SYNM: variants seen among roughly 807,000 people sequenced by gnomAD.
The protein encoded by SYNM is synemin, also known as desmuslin.
A neutral mutation model predicts 104.0 loss-of-function variants in SYNM; 95 were observed. The ratio of observed to expected loss-of-function variants is 0.91; its 90% confidence interval spans 0.77 to 1.08. The LOEUF (loss-of-function observed/expected upper bound fraction) is 1.08, where lower values mean the gene tolerates loss of function less well. Ranked by LOEUF, SYNM falls within the 50% of genes least tolerant of loss-of-function variation. The probability of loss-of-function intolerance (pLI) is 0.00; values close to 1 mark genes in which losing one functional copy is unlikely to be tolerated. For missense variants in SYNM, 2,150 were observed against 2,052.2 expected (o/e 1.05, Z -0.92); for synonymous variants, 918 against 869.0 (o/e 1.06, Z -0.99).
In SYNM at chr15:99,105,975, G is replaced by GCGAGGAGTACGGGATACAGGC; in HGVS notation, c.784_804dup (p.Tyr262_Glu268dup). ...CTGGAGGACGCGCTGCTGCGGATGC[G>GCGAGGAGTACGGGATACAGGC]CGAGGAGTACGGGATACAGGCCGAG... On this transcript the variant is annotated inframe_insertion, in exon 1 of 4. Transcript: ENST00000336292. The GCGAGGAGTACGGGATACAGGC allele has an allele frequency of 6.6e-7, 1 of 1,513,010 alleles. No homozygotes were observed. Among genetic ancestry groups the GCGAGGAGTACGGGATACAGGC allele is most frequent in the Non-Finnish European group, 8.8e-7 (1 of 1,137,364 alleles). 93.7% of individuals were successfully genotyped at this position (1,513,010 alleles called of 1,614,324 possible). A position where few individuals can be genotyped will look rare whatever the true frequency, so the allele number is the denominator to read the frequency against.
At chr15:99,113,996 C>T (rs1172928802) in intron 2 of SYNM, among the ~76,000 whole-genome samples, 1 of 147,088 alleles carries the variant, frequency 6.8e-6, no homozygotes, top group Non-Finnish European at 1.5e-5. Context: ...AAGAGCTTCA[C>T]ACATGTCAAC....
At chr15:99,117,444 G>C (rs576863255) in intron 2 of SYNM, among the ~76,000 whole-genome samples, 49 of 152,328 alleles carry the variant, frequency 3.2e-4, no homozygotes, top group African/African-American at 1.2e-3. Context: ...GGGGTGGTGG[G>C]AGTTACCCCA....
In SYNM at chr15:99,113,787, T is replaced by C. The variant is rs2067321828; in HGVS notation, c.935+72T>C. ...AACTTGCACATGAAGGAAACTGGTC[T>C]AGGGACCGTAGCCTTTGTGGAGTCA... On this transcript the variant is annotated intron_variant, in intron 2 of 3. Transcript: ENST00000336292. 8.9e-6 allele frequency: 14 copies of C among 1,570,658 alleles called. 1 individual carries two copies. Among genetic ancestry groups the C allele is most frequent in the Non-Finnish European group, 1.1e-5 (13 of 1,157,010 alleles).
Position 99,131,297 on chromosome 15 carries a change from G to T in SYNM, c.2937G>T (p.Pro979=), listed in dbSNP as rs5030696. 2 of 1,612,526 alleles carry T rather than the reference G, an allele frequency of 1.2e-6. No individual in the cohort carries two copies. Among genetic ancestry groups the T allele is most frequent in the Non-Finnish European group, 1.7e-6 (2 of 1,179,458 alleles). Residue 979 remains proline (P), a synonymous_variant, in exon 4 of 4, where the codon CCG becomes CCT. Transcript: ENST00000336292. This position sits in a 1 kb window ranked among gnomAD's most constrained non-coding sequence, Gnocchi z 4.3. The stretch of plus-strand genomic sequence containing the variant: ...TCACCAGAGAGGGGCAGGGTGGGCC[G>T]GGGAGCGTTTCCGTGGATGTCAAGA... ...SALTREGQGG[P]GSVSVDVKKV...
Position 99,105,706 on chromosome 15 carries a change from C to A in SYNM, c.507C>A (p.Arg169=), listed in dbSNP as rs2067229803. ...AASLTMHFRA[R]ATGPAAPPPR... ...GCCTTACCATGCATTTCCGCGCCCG[C>A]GCCACCGGCCCCGCCGCGCCGCCGC... Residue 169 remains arginine (R), a synonymous_variant, in exon 1 of 4, where the codon CGC becomes CGA. Coordinates refer to ENST00000336292, the MANE Select transcript of SYNM (RefSeq NM_145728.3). 1.3e-5 allele frequency: 19 copies of A among 1,488,624 alleles called. No individual in the cohort carries two copies. Among genetic ancestry groups the A allele is most frequent in the Non-Finnish European group, 1.7e-5 (19 of 1,124,852 alleles). The allele number at this position is 1,488,624 out of a possible 1,614,324, so 92.2% of individuals were successfully genotyped here.
intron 2 of SYNM, among the ~76,000 whole-genome samples, chr15:99,116,844 T>A (rs1283553083): frequency 7.0e-6 from 1 of 143,332 alleles, no homozygotes; most frequent in Non-Finnish European, 1.5e-5. Context: ...GCCTGGCTAA[T>A]TCTTGTATTT....
rs544259774 is a variant in SYNM at position 99,133,129 on chromosome 15, T to G, written c.*71T>G. 141 of 1,581,482 alleles carry G rather than the reference T, an allele frequency of 8.9e-5. No individual in the cohort carries two copies. Among genetic ancestry groups the G allele is most frequent in the Non-Finnish European group, 1.2e-4 (136 of 1,170,798 alleles). On this transcript the variant is annotated 3_prime_UTR_variant, in exon 4 of 4. Coordinates refer to ENST00000336292, the MANE Select transcript of SYNM (RefSeq NM_145728.3). Reference sequence around the variant, plus strand: ...CAACATCCAAAGGCCTTAACTTATTTTAAGAGGCCGAGGGAGTCTATGAAA... The same window carrying G: ...CAACATCCAAAGGCCTTAACTTATTGTAAGAGGCCGAGGGAGTCTATGAAA...
chr15:99,118,049 T>C (rs7178866), intron 2 of SYNM, among the ~76,000 whole-genome samples: 34,288 of 152,130 alleles, frequency 0.23, 4,048 homozygotes, highest in East Asian at 0.38. Context: ...GGAGCTTGCC[T>C]GACAGGCCCT....
chr15:99,107,474 C>T (rs557182025), intron 1 of SYNM, among the ~76,000 whole-genome samples: 66 of 152,352 alleles, frequency 4.3e-4, no homozygotes, highest in African/African-American at 1.6e-3. Context: ...TCGCTACCAA[C>T]TCAGGGGTCT....
rs1567283535 is a variant in SYNM at position 99,130,592 on chromosome 15, C to T, written c.2232C>T (p.Val744=). ...GGAGGGAGGGGAGAGCAAAGGTCGT[C>T]AACGTGGAGATCGTGGAGGAGCCCG... ...LKGREGRAKV[V]NVEIVEEPVS... is the part of the protein sequence containing the mutation. Residue 744 remains valine (V), a synonymous_variant, in exon 4 of 4, where the codon GTC becomes GTT. Coordinates refer to ENST00000336292, the MANE Select transcript of SYNM (RefSeq NM_145728.3). The T allele has an allele frequency of 6.2e-7, 1 of 1,613,678 alleles. No individual in the cohort carries two copies. Among genetic ancestry groups the T allele is most frequent in the Non-Finnish European group, 8.5e-7 (1 of 1,179,756 alleles).
At chr15:99,126,032 C>G (rs1293691181) in intron 2 of SYNM, among the ~76,000 whole-genome samples, 1 of 152,154 alleles carries the variant, frequency 6.6e-6, no homozygotes, top group African/African-American at 2.4e-5. Context: ...TACTTCTCAC[C>G]ATTTTATTAA....
downstream of SYNM, among the ~76,000 whole-genome samples, chr15:99,138,903 C>T (rs942136110): frequency 1.3e-5 from 2 of 152,306 alleles, no homozygotes; most frequent in Middle Eastern, 3.4e-3. Context: ...GGCCTCTGCT[C>T]GGGCTGAGAA....
intron 2 of SYNM, among the ~76,000 whole-genome samples, chr15:99,121,451 A>G (rs1670232): frequency 0.77 from 116,607 of 152,106 alleles, 44,997 homozygotes; most frequent in African/African-American, 0.86. Context: ...GAGCCTGAGG[A>G]GCTGAGAGGT....
chr15:99,116,110 C>T (rs2067346068), intron 2 of SYNM, among the ~76,000 whole-genome samples: 2 of 152,246 alleles, frequency 1.3e-5, no homozygotes. Flanking sequence ...TTTCTGGATC[C>T]CCCATTTGAG....
chr15:99,122,439 AAGTT>A (rs1260324313), intron 2 of SYNM, among the ~76,000 whole-genome samples: 4 of 152,184 alleles, frequency 2.6e-5, no homozygotes, highest in Non-Finnish European at 5.9e-5. Flanking sequence ...TTGTTTTTTT[AAGTT>A]AGTTCCCACC....
intron 2 of SYNM, among the ~76,000 whole-genome samples, chr15:99,117,076 C>T (rs1439563928): frequency 1.4e-5 from 2 of 140,228 alleles, no homozygotes; most frequent in African/African-American, 5.0e-5. Flanking sequence ...GAGCGATCCC[C>T]CCCATAACCC....
downstream of SYNM, chr15:99,138,238 G>A: frequency 7.7e-7 from 1 of 1,302,754 alleles, no homozygotes; most frequent in Middle Eastern, 2.7e-4. Flanking sequence ...GAGAAGACTT[G>A]GTAGGGGCTA....
Position 99,130,132 on chromosome 15 carries a change from TG to T in SYNM, c.1773del (p.Ser592ProfsTer9). On this transcript the variant is annotated frameshift_variant, in exon 4 of 4. Transcript: ENST00000336292. LOFTEE classifies it high-confidence loss of function. ...LEVSQDRRAE[V>X]SPKGLQTPVK... is the part of the protein sequence containing the mutation. ...GTATCCCAGGACAGAAGAGCAGAGGTGTCCCCGAAAGGTTTGCAGACGCCTG... is the reference window on the plus strand; with the variant it reads ...GTATCCCAGGACAGAAGAGCAGAGGTTCCCCGAAAGGTTTGCAGACGCCTG... 1 of 1,613,680 alleles carries T rather than the reference TG, an allele frequency of 6.2e-7. No individual in the cohort carries two copies. The highest frequency in any genetic ancestry group is 8.5e-7 in the Non-Finnish European group (1 of 1,179,818).
At chr15:99,123,848 G>A (rs908537755) in intron 2 of SYNM, among the ~76,000 whole-genome samples, 4 of 152,228 alleles carry the variant, frequency 2.6e-5, no homozygotes, top group African/African-American at 7.2e-5. Context: ...GAGTCACGGC[G>A]GATTGTTCAG....
Sources: gnomAD v4.1 joint callset for allele counts (sites outside exome capture counted in the v4.1 genomes callset) on GRCh38, gnomAD v4.1.1 for gene constraint, Gnocchi (gnomAD v3.1) non-coding constraint, MANE v1.5 for transcripts, NCBI Gene and HGNC (gene_info 2026-07-23, HGNC 2026-07-21) for gene names.